The following UTP15 variants were observed in gnomAD, a reference collection of about 807,000 sequenced individuals.
The protein encoded by UTP15 is U3 small nucleolar RNA-associated protein 15 homolog.
In UTP15, 5 loss-of-function variants were observed where a neutral mutation model predicts 59.1. The observed-to-expected ratio is 0.08, with a 90% CI of 0.04 to 0.18. The LOEUF is 0.18. UTP15 is among the 10% of genes least tolerant of loss of function. The pLI is 1.00. For missense variants in UTP15, 494 were observed against 616.7 expected (o/e 0.80, Z 2.11); for synonymous variants, 211 against 212.2 (o/e 0.99, Z 0.05).
chr5:73,575,888 AT>A (rs1339828429), intron 7 of UTP15, among the ~76,000 whole-genome samples: 1 of 149,958 alleles, frequency 6.7e-6, no homozygotes, highest in African/African-American at 2.5e-5. Flanking sequence ...TGCCCGGCTG[AT>A]TTTGTATTTT....
In UTP15 at chr5:73,577,939, A is replaced by T; in HGVS notation, c.978A>T (p.Ser326=). The T allele has an allele frequency of 6.3e-7, 1 of 1,588,266 alleles. No homozygotes were observed. The highest frequency in any genetic ancestry group is 1.7e-4 in the Middle Eastern group (1 of 6,004). Residue 326 remains serine, a synonymous_variant, in exon 9 of 13, where the codon TCA becomes TCT. Transcript: ENST00000296792. ...GGAAATCTGAAGCAAAGAAGGAATCACTTCCCAGAAGAAGAAGGCCTGCAT... is the reference window on the plus strand; with the variant it reads ...GGAAATCTGAAGCAAAGAAGGAATCTCTTCCCAGAAGAAGAAGGCCTGCAT... ...KHRKSEAKKE[S]LPRRRRPAYR...
At chr5:73,569,436 T>C in intron 4 of UTP15, 61 bp from the exon 5 acceptor site, 1 of 1,308,196 alleles carries the variant, frequency 7.6e-7, no homozygotes, top group South Asian at 1.7e-5. Context: ...GCATTTTATG[T>C]TAGAAGGTAT....
chr5:73,570,015 G>A (rs868687852), intron 5 of UTP15, among the ~76,000 whole-genome samples: 8 of 151,970 alleles, frequency 5.3e-5, no homozygotes, highest in African/African-American at 1.7e-4. Flanking sequence ...GTATTTTTTT[G>A]TAGAGACGGT....
chr5:73,583,377 A>G lies in UTP15; in HGVS notation c.*3283A>G, dbSNP rs1484903222. 1 of 152,230 alleles carries G rather than the reference A, an allele frequency of 6.6e-6. No individual in the cohort carries two copies. The highest frequency in any genetic ancestry group is 1.5e-5 in the Non-Finnish European group (1 of 68,050). 9.4% of individuals were successfully genotyped at this position (152,230 alleles called of 1,614,324 possible). ...AGATTATCCTGCTTTAATAGTTCAG[A>G]CTAGAGGAGAGAGAAACCATCTTAG... is the stretch of plus-strand genomic sequence containing the variant. On this transcript the variant is annotated 3_prime_UTR_variant, in exon 13 of 13. Coordinates refer to ENST00000296792, the MANE Select transcript of UTP15 (RefSeq NM_032175.4).
At chr5:73,574,710 C>T (rs1748038071) in intron 7 of UTP15, among the ~76,000 whole-genome samples, 1 of 152,164 alleles carries the variant, frequency 6.6e-6, no homozygotes, top group Admixed American at 6.5e-5. Flanking sequence ...TGGTCTCAAA[C>T]TCCTGAGTTC....
chr5:73,574,496 T>G (rs1748030333), intron 7 of UTP15, among the ~76,000 whole-genome samples: 1 of 151,910 alleles, frequency 6.6e-6, no homozygotes, highest in Non-Finnish European at 1.5e-5. Flanking sequence ...TATTAATTTT[T>G]TTTTTTTTTG....
intron 7 of UTP15, among the ~76,000 whole-genome samples, chr5:73,573,032 G>C (rs982259275): frequency 6.6e-6 from 1 of 152,012 alleles, no homozygotes; most frequent in African/African-American, 2.4e-5. Context: ...TCCTGACCTC[G>C]TGATCCGCCC....
rs140164456 is a variant in UTP15 at position 73,578,869 on chromosome 5, T to A, written c.1146+17T>A. The A allele has an allele frequency of 1.5e-4, 244 of 1,590,598 alleles. 1 individual carries two copies. In the African/African-American group the frequency reaches 2.4e-3, roughly 15 times the overall value. On this transcript the variant is annotated intron_variant, in intron 10 of 12. Coordinates refer to ENST00000296792, the MANE Select transcript of UTP15 (RefSeq NM_032175.4). ...GTTCTTGATGTGAGTGAGCATTTTTTAAAAAATCATGTTATTACTTACCCT... is the reference window on the plus strand; with the variant it reads ...GTTCTTGATGTGAGTGAGCATTTTTAAAAAAATCATGTTATTACTTACCCT...
At chr5:73,576,885 A>G in intron 7 of UTP15, 67 bp from the exon 8 acceptor site, 1 of 1,117,472 alleles carries the variant, frequency 8.9e-7, no homozygotes, top group South Asian at 1.4e-5. Context: ...TGTTTTCAGA[A>G]AATAGAAATT....
Position 73,579,975 on chromosome 5 carries a change from T to C in UTP15, c.1438T>C (p.Leu480=), listed in dbSNP as rs1431579066. 3 of 1,613,782 alleles carry C rather than the reference T, an allele frequency of 1.9e-6. No individual in the cohort carries two copies. The highest frequency in any genetic ancestry group is 2.5e-6 in the Non-Finnish European group (3 of 1,179,876). The change falls in exon 13 of 13, where the codon TTG becomes CTG. Residue 480 remains leucine, a synonymous_variant. Coordinates refer to ENST00000296792, the MANE Select transcript of UTP15 (RefSeq NM_032175.4). ...VEKEIDYQRE[L]LETLGMMDML... ...AAAAGAGATTGATTACCAAAGAGAA[T>C]TGTTAGAAACCTTGGGGATGATGGA...
At position 73,568,011 on chromosome 5, in the gene UTP15, CAG is replaced by C. The variant is rs774052000; in HGVS notation, c.91-221_91-220del. The stretch of plus-strand genomic sequence containing the variant: ...ACAGTAAACTCAATAGCTGAAGAGA[CAG>C]AGTGGGGTGTGGCTTTCTAACCATA... On this transcript the variant is annotated intron_variant, in intron 2 of 12. Transcript: ENST00000296792. Among the ~76,000 whole-genome samples the C allele has an allele frequency of 4.6e-5, 7 of 152,160 alleles. No homozygotes were observed. The East Asian group carries it at 9.6e-4, about 21-fold the overall frequency.
At position 73,569,655 on chromosome 5, in the gene UTP15, A is replaced by G. The variant is rs1173530352; in HGVS notation, c.527A>G (p.Asn176Ser). The G allele has an allele frequency of 6.2e-7, 1 of 1,610,326 alleles. No homozygotes were observed. Among genetic ancestry groups the G allele is most frequent in the African/African-American group, 1.3e-5 (1 of 74,842 alleles). ...AGGTGTGGATGTGCTAGCAAACTTA[A>G]TCCGGATCTCTTTATAACAGGTTGG... Reference protein sequence around the residue: ...YVRCGCASKLNPDLFITGSYD... With the variant: ...YVRCGCASKLSPDLFITGSYD... The change falls in exon 5 of 13, where the codon AAT becomes AGT. Residue 176 changes from asparagine (N) to serine (S), a missense_variant. Physicochemically the swap from Asn to Ser is conservative, Grantham distance 46. Transcript: ENST00000296792.
Position 73,576,100 on chromosome 5 carries a change from CCTTTTTTT to C in UTP15, c.810-845_810-838del. Among the ~76,000 whole-genome samples the C allele has an allele frequency of 2.9e-5, 4 of 140,204 alleles. No homozygotes were observed. The Middle Eastern group carries it at 0.014, about 508-fold the overall frequency. The allele number at this position is 140,204 out of a possible 152,430, so 92.0% of individuals were successfully genotyped here. A position where few individuals can be genotyped will look rare whatever the true frequency, so the allele number is the denominator to read the frequency against. Reference sequence around the variant, plus strand: ...GTCTGTCCTTCTGTTTTTTTTTTTTCCTTTTTTTCTTTTTAAATTTTTGAAACAGAGTC... The same window carrying C: ...GTCTGTCCTTCTGTTTTTTTTTTTTCCTTTTTAAATTTTTGAAACAGAGTC... On this transcript the variant is annotated intron_variant, in intron 7 of 12. Coordinates refer to ENST00000296792, the MANE Select transcript of UTP15 (RefSeq NM_032175.4).
intron 7 of UTP15, among the ~76,000 whole-genome samples, chr5:73,575,736 T>C (rs1298562441): frequency 2.6e-5 from 4 of 151,630 alleles, no homozygotes; most frequent in Non-Finnish European, 5.9e-5. Context: ...CTTTTTTTTT[T>C]TTTAAGATGG....
Position 73,569,801 on chromosome 5 carries a change from T to C in UTP15, c.547+126T>C, listed in dbSNP as rs1184542191. ...TATAAAGGAATATGTTTCTGATTAA[T>C]TCTTCAGTTTTTAAATTAATTTTTA... On this transcript the variant is annotated intron_variant, in intron 5 of 12. Transcript: ENST00000296792. 3 of 732,660 alleles carry C rather than the reference T, an allele frequency of 4.1e-6. No homozygotes were observed. In the Admixed American group the frequency reaches 1.0e-4, roughly 25 times the overall value. 45.4% of individuals were successfully genotyped at this position (732,660 alleles called of 1,614,324 possible).
Position 73,580,170 on chromosome 5 carries a change from T to G in UTP15, c.*76T>G. On this transcript the variant is annotated 3_prime_UTR_variant, in exon 13 of 13. Transcript: ENST00000296792. ...TGTATTAAATGTTGGCGAGAGACTC[T>G]CTTTGATACATTAAAAAAACTGTTT... The G allele has an allele frequency of 1.6e-6, 2 of 1,282,410 alleles. No homozygotes were observed. 79.4% of individuals were successfully genotyped at this position (1,282,410 alleles called of 1,614,324 possible). A position where few individuals can be genotyped will look rare whatever the true frequency, so the allele number is the denominator to read the frequency against.
chr5:73,569,584 A>G lies in UTP15; in HGVS notation c.456A>G (p.Pro152=), dbSNP rs1747874060. ...ATACAGTTAAATTATGGGATATTCC[A>G]AACTCCAAAGAAATTTTGACATTTA... ...DDYTVKLWDI[P]NSKEILTFKE... Residue 152 remains proline, a synonymous_variant, in exon 5 of 13, where the codon CCA becomes CCG. Transcript: ENST00000296792. 6.2e-7 allele frequency: 1 copy of G among 1,613,908 alleles called. No individual in the cohort carries two copies. The highest frequency in any genetic ancestry group is 8.5e-7 in the Non-Finnish European group (1 of 1,179,912).
In UTP15 at chr5:73,570,618, G is replaced by T; in HGVS notation, c.580G>T (p.Ala194Ser). Residue 194 changes from alanine (A) to serine (S), a missense_variant, in exon 6 of 13, where the codon GCA becomes TCA. Coordinates refer to ENST00000296792, the MANE Select transcript of UTP15 (RefSeq NM_032175.4). ...TGATCATACTGTGAAGATGTTTGAT[G>T]CACGAACGAGTGAGAGTGTTCTCTC... ...SYDHTVKMFD[A>S]RTSESVLSVE... The T allele has an allele frequency of 6.2e-7, 1 of 1,614,168 alleles. No individual in the cohort carries two copies. The highest frequency in any genetic ancestry group is 8.5e-7 in the Non-Finnish European group (1 of 1,180,020).
chr5:73,567,447 C>T lies in UTP15; in HGVS notation c.90+13C>T, dbSNP rs749874962. The T allele has an allele frequency of 1.8e-5, 29 of 1,571,258 alleles. 1 individual carries two copies. In the South Asian group the frequency reaches 1.9e-4, roughly 10 times the overall value. ...GAACAACTATAAGGTGAGTGTGGGA[C>T]GTAATGAGGGAGAAGGGATTTGTGT... On this transcript the variant is annotated intron_variant, in intron 2 of 12. Transcript: ENST00000296792.
Sources: gnomAD v4.1 joint callset for allele counts (sites outside exome capture counted in the v4.1 genomes callset) on GRCh38, gnomAD v4.1.1 for gene constraint, MANE v1.5 for transcripts, NCBI Gene and HGNC (gene_info 2026-07-23, HGNC 2026-07-21) for gene names.